ZBTB34: variants seen among roughly 807,000 people sequenced by gnomAD.
ZBTB34 encodes zinc finger and BTB domain-containing protein 34.
In ZBTB34, 1 loss-of-function variant was observed where a neutral mutation model predicts 33.4. The ratio of observed to expected loss-of-function variants is 0.03; its 90% CI spans 0.01 to 0.14. The LOEUF (loss-of-function observed/expected upper bound fraction) is 0.14. Among genes scored for constraint, ZBTB34 ranks in the 10% least tolerant of loss-of-function variants. The pLI is 1.00. For missense variants in ZBTB34, 406 were observed against 657.2 expected (o/e 0.62, Z 4.18); for synonymous variants, 283 against 253.5 (o/e 1.12, Z -1.11).
At position 126,879,977 on chromosome 9, in the gene ZBTB34, C is replaced by T. The variant is rs778062680; in HGVS notation, c.578C>T (p.Ala193Val). The T allele has an allele frequency of 6.2e-7, 1 of 1,613,302 alleles. No individual in the cohort carries two copies. Among genetic ancestry groups the T allele is most frequent in the African/African-American group, 1.3e-5 (1 of 74,920 alleles). The stretch of plus-strand genomic sequence containing the variant: ...CGGATGGAGACGACCCCCAGCAAAG[C>T]TTTGCGCAGCCGCTTACAGGAGGAG... The change falls in exon 2 of 2, where the codon GCT (alanine) becomes GTT (valine). Residue 193 changes from alanine to valine, a missense_variant. Physicochemically the swap from Ala to Val is moderately conservative, Grantham distance 64 (BLOSUM62 0). Around this residue, in one of 6 missense-constraint regions of ZBTB34, gnomAD observed 137 missense variants for 173.0 expected, o/e 0.79. Transcript: ENST00000319119. This position sits in a 1 kb window ranked among gnomAD's most constrained non-coding sequence, Gnocchi z 6.4.
intron 1 of ZBTB34, among the ~76,000 whole-genome samples, chr9:126,876,500 A>G (rs2033365997): frequency 6.6e-6 from 1 of 151,914 alleles, no homozygotes; most frequent in Non-Finnish European, 1.5e-5. Flanking sequence ...AGATGTAGAC[A>G]TCCTTACATT....
At chr9:126,862,299 A>G (rs1361080583) in intron 1 of ZBTB34, among the ~76,000 whole-genome samples, 3 of 152,172 alleles carry the variant, frequency 2.0e-5, no homozygotes, top group East Asian at 1.9e-4. Flanking sequence ...TAGTTCCTCA[A>G]CTCAAACACT....
intron 1 of ZBTB34, among the ~76,000 whole-genome samples, chr9:126,869,138 C>A (rs1016347041): frequency 8.5e-5 from 13 of 152,068 alleles, no homozygotes; most frequent in African/African-American, 3.1e-4. Context: ...TACTAAAATG[C>A]CCTCATTTGC....
At chr9:126,875,035 A>G (rs2033337091) in intron 1 of ZBTB34, among the ~76,000 whole-genome samples, 1 of 152,178 alleles carries the variant, frequency 6.6e-6, no homozygotes, top group Admixed American at 6.5e-5. Flanking sequence ...GTCTATTTCT[A>G]AAATTTCTTT....
Position 126,880,854 on chromosome 9 carries a change from C to T in ZBTB34, c.1455C>T (p.Ala485=), listed in dbSNP as rs1216654854. 1.9e-6 allele frequency: 3 copies of T among 1,613,240 alleles called. No individual in the cohort carries two copies. The highest frequency in any genetic ancestry group is 2.5e-6 in the Non-Finnish European group (3 of 1,179,848). Residue 485 remains alanine (A), a synonymous_variant, in exon 2 of 2, where the codon GCC becomes GCT. Coordinates refer to ENST00000319119, the Ensembl canonical transcript of ZBTB34. The surrounding 1 kb of genome is among the most constrained non-coding windows in gnomAD (Gnocchi z 6.7). ...AGAAACTAGAAAATGACGCATCGGC[C>T]TCAGAGATGGGCCTAGATTCCCGGA... is the stretch of plus-strand genomic sequence containing the variant.
At position 126,879,826 on chromosome 9, in the gene ZBTB34, G is replaced by T; in HGVS notation, c.427G>T (p.Val143Phe). 6.2e-7 allele frequency: 1 copy of T among 1,613,192 alleles called. No individual in the cohort carries two copies. The highest frequency in any genetic ancestry group is 1.1e-5 in the South Asian group (1 of 91,082). Reference sequence around the variant, plus strand: ...CGTTGGAGATGTTGACTCTGTTACCGTCGGTGCTGAAGAGAATCCCGAGAG... The same window carrying T: ...CGTTGGAGATGTTGACTCTGTTACCTTCGGTGCTGAAGAGAATCCCGAGAG... Residue 143 changes from valine to phenylalanine, a missense_variant, in exon 2 of 2, where the codon GTC becomes TTC. Coordinates refer to ENST00000319119, the Ensembl canonical transcript of ZBTB34. This position sits in a 1 kb window ranked among gnomAD's most constrained non-coding sequence, Gnocchi z 6.4.
exon 2 of ZBTB34, chr9:126,881,659 C>A (rs1781371371): frequency 1.2e-5 from 2 of 167,118 alleles, no homozygotes; most frequent in South Asian, 4.1e-4. Context: ...CATAAAATTT[C>A]TTCAACTCTA....
rs765034924 is a variant in ZBTB34, at chr9:126,869,882, CA to C, written c.-11+9149del. On this transcript the variant is annotated intron_variant, in intron 1 of 1. Coordinates refer to ENST00000319119, the Ensembl canonical transcript of ZBTB34. Reference sequence around the variant, plus strand: ...GAGGAGGTGACAATTTTGAACTTACCAAAAAACCATTTCAACAAAGTTCTAT... The same window carrying C: ...GAGGAGGTGACAATTTTGAACTTACCAAAAACCATTTCAACAAAGTTCTAT... Among the ~76,000 whole-genome samples, 6 of 151,996 alleles carry C rather than the reference CA, an allele frequency of 3.9e-5. No individual in the cohort carries two copies. The East Asian group carries it at 7.7e-4, about 20-fold the overall frequency.
chr9:126,882,279 G>A (rs1489474282), exon 2 of ZBTB34: 1 of 167,006 alleles, frequency 6.0e-6, no homozygotes, highest in Non-Finnish European at 1.5e-5. Context: ...TGTCTTTTTA[G>A]GTCAGTATAG....
At chr9:126,862,351 A>G (rs1191726291) in intron 1 of ZBTB34, among the ~76,000 whole-genome samples, 1 of 152,208 alleles carries the variant, frequency 6.6e-6, no homozygotes, top group Non-Finnish European at 1.5e-5. Flanking sequence ...TGAAGAAGCT[A>G]GAGGCCAGGA....
chr9:126,882,956 C>G (rs544028375), exon 2 of ZBTB34: 4 of 167,126 alleles, frequency 2.4e-5, no homozygotes, highest in East Asian at 1.9e-4. Flanking sequence ...AGATTACACT[C>G]TAATCCCGCT....
chr9:126,872,274 G>A (rs1445811237), intron 1 of ZBTB34, among the ~76,000 whole-genome samples: 2 of 152,144 alleles, frequency 1.3e-5, no homozygotes, highest in African/African-American at 4.8e-5. Flanking sequence ...TTTAAAAGCT[G>A]GGCACGGTGG....
intron 1 of ZBTB34, among the ~76,000 whole-genome samples, chr9:126,862,096 G>A (rs573879669): frequency 6.6e-6 from 1 of 152,288 alleles, no homozygotes; most frequent in South Asian, 2.1e-4. Context: ...AGAGATGGAG[G>A]TCACTGTAGG....
chr9:126,869,052 G>C (rs562872719), intron 1 of ZBTB34, among the ~76,000 whole-genome samples: 2 of 152,176 alleles, frequency 1.3e-5, no homozygotes, highest in African/African-American at 4.8e-5. Flanking sequence ...GCTCTACAAA[G>C]AGGGTGCTTC....
intron 1 of ZBTB34, chr9:126,863,804 A>T: frequency 1.4e-5 from 10 of 698,994 alleles, no homozygotes; most frequent in African/African-American, 3.8e-5. Context: ...CAGTAAGCAG[A>T]TAAGATGCTG....
At chr9:126,876,410 G>C (rs946535873) in intron 1 of ZBTB34, among the ~76,000 whole-genome samples, 2 of 150,568 alleles carry the variant, frequency 1.3e-5, no homozygotes, top group African/African-American at 4.9e-5. Context: ...ATGCATTTTT[G>C]ACATAGTATT....
At chr9:126,877,331 T>A (rs2033375882) in intron 1 of ZBTB34, among the ~76,000 whole-genome samples, 2 of 152,220 alleles carry the variant, frequency 1.3e-5, no homozygotes, top group Non-Finnish European at 2.9e-5. Flanking sequence ...GTCCATCTCT[T>A]TTTTGGAGAT....
rs2033426064 is a variant in ZBTB34 at position 126,880,629 on chromosome 9, G to A, written c.1230G>A (p.Gly410=). 18 of 1,613,890 alleles carry A rather than the reference G, an allele frequency of 1.1e-5. No homozygotes were observed. The highest frequency in any genetic ancestry group is 1.5e-5 in the Non-Finnish European group (18 of 1,179,900). Reference sequence around the variant, plus strand: ...CCCCCTTTGTGTGCAAGTTCTGTGGGAAGAAGTACACACGGAAGGACCAAC... The same window carrying A: ...CCCCCTTTGTGTGCAAGTTCTGTGGAAAGAAGTACACACGGAAGGACCAAC... The change falls in exon 2 of 2, where the codon GGG becomes GGA. Residue 410 remains glycine (G), a synonymous_variant. Coordinates refer to ENST00000319119, the Ensembl canonical transcript of ZBTB34. This position sits in a 1 kb window ranked among gnomAD's most constrained non-coding sequence, Gnocchi z 6.7.
intron 1 of ZBTB34, among the ~76,000 whole-genome samples, chr9:126,863,342 A>G (rs764182559): frequency 1.3e-5 from 2 of 152,174 alleles, no homozygotes; most frequent in Non-Finnish European, 2.9e-5. Context: ...CATTATTGTT[A>G]TTGTCATTAT....
Sources: gnomAD v4.1 joint callset for allele counts (sites outside exome capture counted in the v4.1 genomes callset) on GRCh38, gnomAD v4.1.1 for gene constraint, gnomAD v4.1.1 regional missense constraint, Gnocchi (gnomAD v3.1) non-coding constraint, MANE v1.5 for transcripts, NCBI Gene and HGNC (gene_info 2026-07-23, HGNC 2026-07-21) for gene names.